Variants in PPP2R2C observed in about 807,000 individuals in gnomAD.
PPP2R2C encodes the protein protein phosphatase 2, regulatory subunit B, gamma.
A neutral mutation model predicts 45.3 loss-of-function variants in PPP2R2C; 10 were observed. The observed-to-expected ratio is 0.22, with a 90% CI of 0.14 to 0.37. The LOEUF (loss-of-function observed/expected upper bound fraction) is 0.37, where lower values mean the gene tolerates loss of function less well. Among genes scored for constraint, PPP2R2C ranks in the 10% least tolerant of loss-of-function variants. The pLI is 1.00. For missense variants in PPP2R2C, 308 were observed against 619.7 expected (o/e 0.50, Z 5.34); for synonymous variants, 257 against 245.4 (o/e 1.05, Z -0.44).
intron 2 of PPP2R2C, among the ~76,000 whole-genome samples, chr4:6,514,942 G>A (rs1270526723): frequency 2.6e-5 from 4 of 152,006 alleles, no homozygotes; most frequent in African/African-American, 9.7e-5. Context: ...CTATCACCAT[G>A]TGGCCTTCTC....
chr4:6,490,699 C>T (rs547444101), intron 2 of PPP2R2C, among the ~76,000 whole-genome samples: 6 of 152,274 alleles, frequency 3.9e-5, no homozygotes, highest in East Asian at 1.9e-4. Context: ...GGAGAGCGGA[C>T]GCATCAGGGC....
At chr4:6,408,030 T>TTTGTACAAATTAATTTGGATA (rs1243799415) in intron 1 of PPP2R2C, among the ~76,000 whole-genome samples, 63 of 152,254 alleles carry the variant, frequency 4.1e-4, no homozygotes, top group Non-Finnish European at 1.0e-4. Context: ...ATACAAATTA[T>TTTGTACAAATTAATTTGGATA]TACAATTAAT....
intron 1 of PPP2R2C, among the ~76,000 whole-genome samples, chr4:6,426,322 C>T (rs1719331845): frequency 6.6e-6 from 1 of 152,172 alleles, no homozygotes; most frequent in Admixed American, 6.5e-5. Context: ...TGCTGAAAAT[C>T]CCAGTGGTGG....
intron 1 of PPP2R2C, among the ~76,000 whole-genome samples, chr4:6,394,552 T>C (rs73798224): frequency 1.9e-3 from 295 of 152,354 alleles, no homozygotes; most frequent in African/African-American, 6.8e-3. Context: ...AGAGAGACTC[T>C]AAGTCTCAGT....
intron 1 of PPP2R2C, among the ~76,000 whole-genome samples, chr4:6,415,417 G>T (rs990856398): frequency 3.3e-5 from 5 of 152,230 alleles, no homozygotes; most frequent in Non-Finnish European, 5.9e-5. Context: ...CCAGCCTGGG[G>T]CTCAAGCATG....
chr4:6,515,932 A>G (rs889659024), intron 2 of PPP2R2C, among the ~76,000 whole-genome samples: 6 of 152,076 alleles, frequency 3.9e-5, no homozygotes, highest in African/African-American at 4.8e-5. Context: ...GCAGCATCCA[A>G]TCTCTGCCTC....
intron 1 of PPP2R2C, among the ~76,000 whole-genome samples, chr4:6,408,350 C>G (rs1374729362): frequency 6.6e-6 from 1 of 152,172 alleles, no homozygotes; most frequent in Non-Finnish European, 1.5e-5. Context: ...TAACTACCCC[C>G]GGTACAGGTT....
At chr4:6,507,285 TG>T (rs2108798634) in intron 2 of PPP2R2C, among the ~76,000 whole-genome samples, 2 of 152,334 alleles carry the variant, frequency 1.3e-5, no homozygotes, top group South Asian at 4.1e-4. Context: ...AGGTTTGGCC[TG>T]GGTGATCTCG....
rs1362590739 is a variant in PPP2R2C at position 6,552,446 on chromosome 4, C to A, written c.-59+11114G>T. Among the ~76,000 whole-genome samples, 3 of 152,170 alleles carry A rather than the reference C, an allele frequency of 2.0e-5. No homozygotes were observed. The East Asian group carries it at 5.8e-4, about 29-fold the overall frequency. On this transcript the variant is annotated intron_variant, in intron 1 of 9. Transcript: ENST00000506140. ...CTTGGCTCATGACCCCTCCCTCCAT[C>A]TTCAAAACCATCAGCTCAGCATCTT... is the stretch of plus-strand genomic sequence containing the variant.
chr4:6,404,580 C>T (rs1264442092), intron 1 of PPP2R2C, among the ~76,000 whole-genome samples: 1 of 152,184 alleles, frequency 6.6e-6, no homozygotes, highest in Non-Finnish European at 1.5e-5. Flanking sequence ...AAGTTGCCTA[C>T]TGAGAAAGCA....
chr4:6,444,639 C>T (rs113018363), intron 1 of PPP2R2C, among the ~76,000 whole-genome samples: 2,202 of 152,282 alleles, frequency 0.014, 51 homozygotes, highest in African/African-American at 0.05. Flanking sequence ...AGGTCCTAAG[C>T]GGGGGCCCAG....
At chr4:6,323,916 C>T (rs1011036874) in intron 8 of PPP2R2C, among the ~76,000 whole-genome samples, 10 of 152,058 alleles carry the variant, frequency 6.6e-5, no homozygotes, top group African/African-American at 2.4e-4. Context: ...TGCAGTCTAG[C>T]CTGGGTGACA....
At chr4:6,443,114 C>A (rs1402096903) in intron 1 of PPP2R2C, among the ~76,000 whole-genome samples, 2 of 150,094 alleles carry the variant, frequency 1.3e-5, no homozygotes, top group Non-Finnish European at 3.0e-5. Context: ...CTACAGTGGC[C>A]TCAGTTTTTT....
At chr4:6,349,839 C>G (rs558001578) in intron 5 of PPP2R2C, 1 of 956,854 alleles carries the variant, frequency 1.0e-6, no homozygotes, top group South Asian at 4.8e-5. Context: ...TGCAGTTAGC[C>G]GAGATCGCAC....
chr4:6,500,704 C>T (rs1420459888), intron 2 of PPP2R2C, among the ~76,000 whole-genome samples: 1 of 152,216 alleles, frequency 6.6e-6, no homozygotes, highest in Non-Finnish European at 1.5e-5. Context: ...GCATCCGGGG[C>T]CCTGGACCCC....
chr4:6,516,162 T>C (rs1723821926), intron 2 of PPP2R2C, among the ~76,000 whole-genome samples: 3 of 152,200 alleles, frequency 2.0e-5, no homozygotes, highest in African/African-American at 7.2e-5. Flanking sequence ...AGTGATGCAA[T>C]TCAACTCCTA....
intron 2 of PPP2R2C, among the ~76,000 whole-genome samples, chr4:6,480,617 A>G (rs1168890575): frequency 1.3e-5 from 2 of 152,236 alleles, no homozygotes; most frequent in Non-Finnish European, 2.9e-5. Context: ...ACAACACTGC[A>G]GGTACATCCT....
At chr4:6,356,283 T>C (rs11938694) in intron 5 of PPP2R2C, among the ~76,000 whole-genome samples, 52,773 of 152,074 alleles carry the variant, frequency 0.35, 9,565 homozygotes, top group African/African-American at 0.45. Context: ...GCTGGCTGGG[T>C]GGGACTAGCT....
chr4:6,326,044 T>C (rs4689403), intron 8 of PPP2R2C, among the ~76,000 whole-genome samples: 104,945 of 152,188 alleles, frequency 0.69, 37,085 homozygotes, highest in East Asian at 1. Flanking sequence ...AGTGCTCTCC[T>C]CGCCCCTTGG....
Sources: allele counts gnomAD v4.1 joint callset (sites outside exome capture counted in the v4.1 genomes callset), GRCh38; gene constraint gnomAD v4.1.1; transcripts MANE v1.5; gene names NCBI Gene and HGNC (gene_info 2026-07-23, HGNC 2026-07-21).